NEMP2: variants seen among roughly 807,000 people sequenced by gnomAD.
The protein encoded by NEMP2 is UPF0571 transmembrane protein.
A neutral mutation model predicts 54.2 loss-of-function variants in NEMP2; 53 were observed. The ratio of observed to expected loss-of-function variants is 0.98; its 90% CI spans 0.78 to 1.23. NEMP2 has a LOEUF of 1.23. NEMP2 is among the 50% of genes most tolerant of loss of function. NEMP2 has a pLI of 0.00. For missense variants in NEMP2, 455 were observed against 511.3 expected (o/e 0.89, Z 1.06); for synonymous variants, 197 against 190.3 (o/e 1.04, Z -0.29).
the NEMP2 span, among the ~76,000 whole-genome samples, chr2:190,566,744 A>G: frequency 1.1e-5 from 1 of 92,164 alleles, no homozygotes; most frequent in East Asian, 2.5e-4. Flanking sequence ...GAAAGAAAAG[A>G]AAAAAAAAGA....
At chr2:190,595,156 G>C in the NEMP2 span, among the ~76,000 whole-genome samples, 20 of 152,250 alleles carry the variant, frequency 1.3e-4, no homozygotes, top group East Asian at 2.9e-3. This position sits in a 1 kb window ranked among gnomAD's most constrained non-coding sequence, Gnocchi z 4.0. Flanking sequence ...ATGGGGGAAA[G>C]GATTCCCTAT....
At chr2:190,483,603 G>A in the NEMP2 span, among the ~76,000 whole-genome samples, 43 of 152,206 alleles carry the variant, frequency 2.8e-4, no homozygotes, top group African/African-American at 9.4e-4. Flanking sequence ...TTGAGAGGCC[G>A]AGGCAGGCAG....
chr2:190,450,488 CTT>C, the NEMP2 span, among the ~76,000 whole-genome samples: 15 of 97,252 alleles, frequency 1.5e-4, no homozygotes, highest in Admixed American at 1.6e-3. Context: ...TCTCTTTTTC[CTT>C]TTTTTTTTTT....
At chr2:190,644,248 C>T in the NEMP2 span, among the ~76,000 whole-genome samples, 5 of 152,128 alleles carry the variant, frequency 3.3e-5, no homozygotes, top group South Asian at 4.1e-4. The surrounding 1 kb of genome is among the most constrained non-coding windows in gnomAD (Gnocchi z 4.4). Context: ...TTTCCTCCTT[C>T]GAAGGACTGA....
At chr2:190,526,106 G>C (rs1232339228) in intron 1 of NEMP2, among the ~76,000 whole-genome samples, 1 of 152,204 alleles carries the variant, frequency 6.6e-6, no homozygotes, top group Admixed American at 6.5e-5. Flanking sequence ...GCACCAACAA[G>C]AGCAGGAAGC....
At chr2:190,582,208 A>C in the NEMP2 span, among the ~76,000 whole-genome samples, 3 of 152,190 alleles carry the variant, frequency 2.0e-5, no homozygotes, top group Non-Finnish European at 4.4e-5. This position sits in a 1 kb window ranked among gnomAD's most constrained non-coding sequence, Gnocchi z 4.6. Context: ...AAGCTGATAG[A>C]GGCTCCATTA....
the NEMP2 span, among the ~76,000 whole-genome samples, chr2:190,587,533 T>A: frequency 6.6e-6 from 1 of 152,144 alleles, no homozygotes; most frequent in African/African-American, 2.4e-5. This position sits in a 1 kb window ranked among gnomAD's most constrained non-coding sequence, Gnocchi z 5.4. Context: ...AGGGCAAAGG[T>A]CAGACTCTTC....
the NEMP2 span, chr2:190,464,903 T>G: frequency 0.15 from 140,605 of 966,652 alleles, 11,424 homozygotes; most frequent in Non-Finnish European, 0.16. Flanking sequence ...TTTAGTGGCT[T>G]TTGGTGGGGG....
the NEMP2 span, among the ~76,000 whole-genome samples, chr2:190,548,280 T>G: frequency 1.3e-5 from 2 of 152,196 alleles, no homozygotes; most frequent in Non-Finnish European, 2.9e-5. Flanking sequence ...AAACAATCCA[T>G]TTAAAATTTA....
the NEMP2 span, among the ~76,000 whole-genome samples, chr2:190,456,735 G>A: frequency 6.6e-6 from 1 of 152,194 alleles, no homozygotes; most frequent in Admixed American, 6.5e-5. This position sits in a 1 kb window ranked among gnomAD's most constrained non-coding sequence, Gnocchi z 5.4. Flanking sequence ...CCAGCTGCAG[G>A]TAAGAGGTGG....
rs1690210041 is a variant in NEMP2, at chr2:190,507,219, A to C, written c.*1970T>G. On this transcript the variant is annotated 3_prime_UTR_variant, in exon 9 of 9. Coordinates refer to ENST00000409150, the MANE Select transcript of NEMP2 (RefSeq NM_001142645.2). This position sits in a 1 kb window ranked among gnomAD's most constrained non-coding sequence, Gnocchi z 4.4. ...GATTTCCTCTAAAAATAAACATGGA[A>C]AACAATATCCTCAAGGACTGCTGTT... 1 of 152,214 alleles carries C rather than the reference A, an allele frequency of 6.6e-6. No individual in the cohort carries two copies. Among genetic ancestry groups the C allele is most frequent in the Non-Finnish European group, 1.5e-5 (1 of 68,046 alleles). 9.4% of individuals were successfully genotyped at this position (152,214 alleles called of 1,614,324 possible).
the NEMP2 span, among the ~76,000 whole-genome samples, chr2:190,575,886 A>C: frequency 1.3e-5 from 2 of 152,122 alleles, no homozygotes; most frequent in African/African-American, 2.4e-5. Context: ...AAAAAGAAAA[A>C]AAAAGAAATG....
At chr2:190,632,727 C>T in the NEMP2 span, among the ~76,000 whole-genome samples, 21 of 152,148 alleles carry the variant, frequency 1.4e-4, no homozygotes, top group Admixed American at 1.4e-3. The surrounding 1 kb of genome is among the most constrained non-coding windows in gnomAD (Gnocchi z 4.8). Context: ...CTATTCCCAA[C>T]ATTTCCATAA....
At chr2:190,431,047 C>CT in the NEMP2 span, among the ~76,000 whole-genome samples, 3 of 143,990 alleles carry the variant, frequency 2.1e-5, no homozygotes, top group East Asian at 2.1e-4. This position sits in a 1 kb window ranked among gnomAD's most constrained non-coding sequence, Gnocchi z 4.4. Flanking sequence ...CGGGCAGAGG[C>CT]GCTCCTCACC....
the NEMP2 span, chr2:190,436,031 T>C: frequency 6.2e-7 from 1 of 1,607,936 alleles, no homozygotes; most frequent in Non-Finnish European, 8.5e-7. The surrounding 1 kb of genome is among the most constrained non-coding windows in gnomAD (Gnocchi z 5.3). Flanking sequence ...TGGTAAGCCA[T>C]GGCAGATGAT....
chr2:190,475,168 C>T, the NEMP2 span, among the ~76,000 whole-genome samples: 5 of 152,172 alleles, frequency 3.3e-5, no homozygotes, highest in South Asian at 8.3e-4. Flanking sequence ...ACAGGGATGC[C>T]CTCTCTCACC....
At chr2:190,455,101 G>C in the NEMP2 span, among the ~76,000 whole-genome samples, 6 of 152,156 alleles carry the variant, frequency 3.9e-5, no homozygotes, top group East Asian at 7.7e-4. Context: ...CTGAGTGGTG[G>C]AGTTGGAGAC....
rs868325644 is a variant in NEMP2, at chr2:190,510,424, C to T, written c.1067G>A (p.Arg356Gln). Reference protein sequence around the residue: ...ETNSALEELRRACRKPDFPSW... With the variant: ...ETNSALEELRQACRKPDFPSW... ...GGGAAAGTCGGGTTTTCGGCAGGCC[C>T]GGCGTAGCTCCTCCAGAGCACTGTT... Residue 356 changes from arginine (R) to glutamine (Q), a missense_variant, in exon 8 of 9, where the codon CGG (arginine) becomes CAG (glutamine). Arg to Gln is a conservative substitution (Grantham distance 43). This residue lies in a region of NEMP2 where 294 missense variants were observed against 333.6 expected (regional missense o/e 0.88). Coordinates refer to ENST00000409150, the MANE Select transcript of NEMP2 (RefSeq NM_001142645.2). This position sits in a 1 kb window ranked among gnomAD's most constrained non-coding sequence, Gnocchi z 5.7. The T allele has an allele frequency of 6.4e-6, 10 of 1,551,704 alleles. No homozygotes were observed. Among genetic ancestry groups the T allele is most frequent in the Middle Eastern group, 1.7e-4 (1 of 5,992 alleles).
chr2:190,557,056 T>G, the NEMP2 span, among the ~76,000 whole-genome samples: 4 of 152,130 alleles, frequency 2.6e-5, no homozygotes, highest in Non-Finnish European at 4.4e-5. Context: ...GGAGGCATCA[T>G]GCTACCTGTC....
Sources: gnomAD v4.1 joint callset for allele counts (sites outside exome capture counted in the v4.1 genomes callset) on GRCh38, gnomAD v4.1.1 for gene constraint, gnomAD v4.1.1 regional missense constraint, Gnocchi (gnomAD v3.1) non-coding constraint, MANE v1.5 for transcripts, NCBI Gene and HGNC (gene_info 2026-07-23, HGNC 2026-07-21) for gene names.